SYT1: variants seen among roughly 807,000 people sequenced by gnomAD.
SYT1 encodes the protein synaptotagmin-1.
SYT1 carries 8 observed loss-of-function variants against 44.8 expected under a neutral mutation model. The ratio of observed to expected loss-of-function variants is 0.18; its 90% CI spans 0.10 to 0.32. The LOEUF (loss-of-function observed/expected upper bound fraction) is 0.32. Among genes scored for constraint, SYT1 ranks in the 10% least tolerant of loss-of-function variants. The probability of loss-of-function intolerance (pLI) is 1.00; values close to 1 mark genes in which losing one functional copy is unlikely to be tolerated. For missense variants in SYT1, 286 were observed against 509.3 expected (o/e 0.56, Z 4.22); for synonymous variants, 154 against 188.8 (o/e 0.82, Z 1.51).
At chr12:79,237,634 A>C (rs1209559955) in intron 4 of SYT1, among the ~76,000 whole-genome samples, 2 of 152,220 alleles carry the variant, frequency 1.3e-5, no homozygotes, top group Non-Finnish European at 2.9e-5. Context: ...CTCCAGCTCC[A>C]GAAGCTGCCC....
chr12:79,011,390 G>C (rs1163662622), intron 2 of SYT1, among the ~76,000 whole-genome samples: 1 of 151,964 alleles, frequency 6.6e-6, no homozygotes, highest in African/African-American at 2.4e-5. Flanking sequence ...AAATTACAGA[G>C]AAATATGCAA....
Position 79,285,847 on chromosome 12 carries a change from G to T in SYT1, c.227G>T (p.Cys76Phe), listed in dbSNP as rs1565890913. ...IVAVLLVLTC[C>F]FCICKKCLFK... ...GCAGTCCTTTTAGTCCTGACCTGCT[G>T]CTTTTGTATCTGTAAGAAATGTTTG... Residue 76 changes from cysteine (C) to phenylalanine (F), a missense_variant, in exon 5 of 11, where the codon TGC (cysteine) becomes TTC (phenylalanine). Coordinates refer to ENST00000261205, the MANE Select transcript of SYT1 (RefSeq NM_005639.3). The T allele has an allele frequency of 6.2e-7, 1 of 1,613,682 alleles. No homozygotes were observed. Among genetic ancestry groups the T allele is most frequent in the African/African-American group, 1.3e-5 (1 of 74,886 alleles).
At chr12:78,929,448 G>GAAAAAAAAA in intron 1 of SYT1, among the ~76,000 whole-genome samples, 1 of 49,448 alleles carries the variant, frequency 2.0e-5, no homozygotes, top group Non-Finnish European at 3.9e-5. Flanking sequence ...AAAAAAAAAG[G>GAAAAAAAAA]TTATTAGCAG....
intron 1 of SYT1, among the ~76,000 whole-genome samples, chr12:78,893,219 A>G (rs1017610893): frequency 6.6e-6 from 1 of 151,786 alleles, no homozygotes; most frequent in East Asian, 1.9e-4. Context: ...ACATTTTTCA[A>G]TTTGCTAATA....
chr12:79,319,744 T>C (rs1592962766), intron 8 of SYT1, among the ~76,000 whole-genome samples: 1 of 152,342 alleles, frequency 6.6e-6, no homozygotes, highest in East Asian at 1.9e-4. Flanking sequence ...ATGAAAAATC[T>C]CATATAAAAT....
rs1401202269 is a variant in SYT1 at position 79,202,198 on chromosome 12, A to T, written c.-17-15305A>T. Among the ~76,000 whole-genome samples, 3 of 152,188 alleles carry T rather than the reference A, an allele frequency of 2.0e-5. No individual in the cohort carries two copies. The East Asian group carries it at 5.8e-4, about 29-fold the overall frequency. ...AAACTGTGGTATATTCATCAGTCTT[A>T]TTAAGCCACTCAGATGGCAATGGCA... On this transcript the variant is annotated intron_variant, in intron 3 of 10. Coordinates refer to ENST00000261205, the MANE Select transcript of SYT1 (RefSeq NM_005639.3).
At chr12:78,881,781 G>A (rs1438237913) in intron 1 of SYT1, among the ~76,000 whole-genome samples, 1 of 151,434 alleles carries the variant, frequency 6.6e-6, no homozygotes, top group African/African-American at 2.4e-5. Context: ...AAAAAAAAGA[G>A]GAGATAAAAG....
chr12:79,007,890 A>G (rs1444828203), intron 2 of SYT1, among the ~76,000 whole-genome samples: 1 of 152,136 alleles, frequency 6.6e-6, no homozygotes, highest in Non-Finnish European at 1.5e-5. Flanking sequence ...GGCCCCCTTC[A>G]GTCATTCGGC....
In SYT1 at chr12:79,292,232, G is replaced by A. The variant is rs910027980; in HGVS notation, c.474+102G>A. The A allele has an allele frequency of 4.4e-6, 6 of 1,367,360 alleles. No individual in the cohort carries two copies. The Admixed American group carries it at 9.8e-5, about 22-fold the overall frequency. 84.7% of individuals were successfully genotyped at this position (1,367,360 alleles called of 1,614,324 possible). A position where few individuals can be genotyped will look rare whatever the true frequency, so the allele number is the denominator to read the frequency against. On this transcript the variant is annotated intron_variant, in intron 6 of 10. Transcript: ENST00000261205. ...CTTAAAATATTTTGTTTGCTGTGAGGGGAAAATGCAATTATCAAAGCTATG... is the reference window on the plus strand; with the variant it reads ...CTTAAAATATTTTGTTTGCTGTGAGAGGAAAATGCAATTATCAAAGCTATG...
At chr12:79,432,414 C>A in intron 9 of SYT1, among the ~76,000 whole-genome samples, 1 of 150,836 alleles carries the variant, frequency 6.6e-6, no homozygotes, top group Non-Finnish European at 1.5e-5. Context: ...CTTCCTGTGT[C>A]CGTGTGTTCT....
intron 4 of SYT1, among the ~76,000 whole-genome samples, chr12:79,274,284 G>C (rs1282791130): frequency 6.6e-6 from 1 of 152,130 alleles, no homozygotes; most frequent in African/African-American, 2.4e-5. Flanking sequence ...TCTTGAGTGG[G>C]AAGTCTTGCA....
At chr12:79,248,988 T>G (rs987875004) in intron 4 of SYT1, among the ~76,000 whole-genome samples, 1 of 151,840 alleles carries the variant, frequency 6.6e-6, no homozygotes, top group African/African-American at 2.4e-5. Context: ...TATTTTTGAC[T>G]CCGGAGCATG....
intron 1 of SYT1, among the ~76,000 whole-genome samples, chr12:78,926,998 C>T (rs1224053557): frequency 1.3e-5 from 2 of 151,972 alleles, no homozygotes; most frequent in Non-Finnish European, 2.9e-5. Flanking sequence ...TCCAGTTTTA[C>T]CCAGAATTTT....
In SYT1 at chr12:79,449,957, T is replaced by TGTGTGTGC. The variant is rs1491498880; in HGVS notation, c.*834_*835insTGTGTGCG. 6.9e-6 allele frequency: 1 copy of TGTGTGTGC among 144,680 alleles called. No homozygotes were observed. Among genetic ancestry groups the TGTGTGTGC allele is most frequent in the African/African-American group, 2.6e-5 (1 of 39,194 alleles). 9.0% of individuals were successfully genotyped at this position (144,680 alleles called of 1,614,324 possible). The stretch of plus-strand genomic sequence containing the variant: ...GTGTGTGTGTGTGTGTGTGTGTGTG[T>TGTGTGTGC]GCACATTTGTTTGGGGATGGGGGAG... On this transcript the variant is annotated 3_prime_UTR_variant, in exon 11 of 11. Transcript: ENST00000261205.
chr12:79,420,239 C>T (rs1276526273), intron 9 of SYT1, among the ~76,000 whole-genome samples: 1 of 152,104 alleles, frequency 6.6e-6, no homozygotes, highest in Non-Finnish European at 1.5e-5. Flanking sequence ...AATAACACCC[C>T]AACCAGAAGT....
chr12:79,247,293 G>A (rs745438812), intron 4 of SYT1, among the ~76,000 whole-genome samples: 2 of 151,890 alleles, frequency 1.3e-5, no homozygotes, highest in Admixed American at 6.6e-5. Context: ...CGGTACTTTC[G>A]GTTCACTGCT....
intron 1 of SYT1, among the ~76,000 whole-genome samples, chr12:78,945,136 G>A (rs1878581637): frequency 6.6e-6 from 1 of 152,104 alleles, no homozygotes; most frequent in Non-Finnish European, 1.5e-5. Context: ...CCACAGGTGT[G>A]TATAGACAAA....
At chr12:79,300,757 G>A (rs1274401737) in intron 8 of SYT1, among the ~76,000 whole-genome samples, 4 of 128,734 alleles carry the variant, frequency 3.1e-5, no homozygotes, top group Non-Finnish European at 6.6e-5. Context: ...CAGAGCTTAA[G>A]TATTTTTGTA....
chr12:78,903,656 T>A (rs1875792818), intron 1 of SYT1, among the ~76,000 whole-genome samples: 1 of 152,120 alleles, frequency 6.6e-6, no homozygotes, highest in African/African-American at 2.4e-5. Flanking sequence ...CTTTTATTCT[T>A]TCTGCATTCT....
Sources: allele counts gnomAD v4.1 joint callset (sites outside exome capture counted in the v4.1 genomes callset), GRCh38; gene constraint gnomAD v4.1.1; transcripts MANE v1.5; gene names NCBI Gene and HGNC (gene_info 2026-07-23, HGNC 2026-07-21).